TMEFF2: variants seen among roughly 807,000 people sequenced by gnomAD.
The protein encoded by TMEFF2 is tomoregulin-2.
Under a neutral mutation model 53.8 loss-of-function variants are expected in TMEFF2, and 28 were observed. The ratio of observed to expected loss-of-function variants is 0.52; its 90% confidence interval spans 0.39 to 0.71. The LOEUF is 0.71. TMEFF2 is among the 30% of genes least tolerant of loss of function. The pLI is 0.00. For missense variants in TMEFF2, 353 were observed against 455.2 expected (o/e 0.78, Z 2.04); for synonymous variants, 162 against 166.3 (o/e 0.97, Z 0.20).
intron 7 of TMEFF2, among the ~76,000 whole-genome samples, chr2:191,968,538 T>G (rs1467447896): frequency 1.3e-5 from 2 of 152,196 alleles, no homozygotes; most frequent in Admixed American, 6.5e-5. Context: ...GAACATGCTC[T>G]TTAGACCAGA....
chr2:192,180,584 T>C (rs1004040240), intron 3 of TMEFF2, among the ~76,000 whole-genome samples: 1 of 151,762 alleles, frequency 6.6e-6, no homozygotes, highest in African/African-American at 2.4e-5. Context: ...ATATTGATAT[T>C]CTCTGCCTGA....
At chr2:192,151,018 G>A (rs1690374300) in intron 4 of TMEFF2, among the ~76,000 whole-genome samples, 1 of 151,842 alleles carries the variant, frequency 6.6e-6, no homozygotes, top group African/African-American at 2.4e-5. Flanking sequence ...GGAGGTGATT[G>A]GATCATGGGG....
At chr2:191,987,412 CT>C (rs5837271) in intron 7 of TMEFF2, among the ~76,000 whole-genome samples, 135,247 of 147,952 alleles carry the variant, frequency 0.91, 62,931 homozygotes, top group Non-Finnish European at 1. Flanking sequence ...TTTCTTTTTA[CT>C]TTTTTTTTTT....
At chr2:192,018,639 C>G (rs562296733) in intron 5 of TMEFF2, among the ~76,000 whole-genome samples, 1 of 152,158 alleles carries the variant, frequency 6.6e-6, no homozygotes, top group African/African-American at 2.4e-5. Flanking sequence ...CCTCCTTCTT[C>G]CCCTCTTGCT....
intron 5 of TMEFF2, among the ~76,000 whole-genome samples, chr2:192,041,106 G>A (rs1218179085): frequency 6.6e-6 from 1 of 152,062 alleles, no homozygotes; most frequent in East Asian, 1.9e-4. Context: ...CAACAACAAA[G>A]TAAATTGGAG....
chr2:192,170,493 T>C (rs1690882452), intron 4 of TMEFF2, among the ~76,000 whole-genome samples: 1 of 152,048 alleles, frequency 6.6e-6, no homozygotes, highest in Non-Finnish European at 1.5e-5. Context: ...ATGTTCCTTG[T>C]GTTTGTGGCC....
At chr2:192,091,228 A>G (rs1688782775) in intron 4 of TMEFF2, among the ~76,000 whole-genome samples, 1 of 152,136 alleles carries the variant, frequency 6.6e-6, no homozygotes, top group African/African-American at 2.4e-5. Context: ...ATGGTTGTTT[A>G]ATGGCTCCTC....
intron 7 of TMEFF2, among the ~76,000 whole-genome samples, chr2:191,964,394 CTTTCTCTTTCTTTCTTTCTTTCTT>C (rs1183512700): frequency 4.3e-4 from 27 of 62,088 alleles, no homozygotes; most frequent in African/African-American, 1.4e-3. Flanking sequence ...TTCTTTCTTT[CTTTCTCTTTCTTTCTTTCTTTCTT>C]TCTTTCTTTC....
Position 192,099,782 on chromosome 2 carries a change from C to CT in TMEFF2, c.440-42008dup, listed in dbSNP as rs60634556. Among the ~76,000 whole-genome samples the CT allele has an allele frequency of 5.4e-3, 776 of 143,930 alleles. 11 individuals are homozygous for CT. Among genetic ancestry groups the CT allele is most frequent in the African/African-American group, 0.017 (675 of 39,776 alleles). 94.4% of individuals were successfully genotyped at this position (143,930 alleles called of 152,430 possible). ...ACAATACATAATAATGATGGGATTG[C>CT]TTTTTTTTTTTTCCATCTTAGGAGT... On this transcript the variant is annotated intron_variant, in intron 4 of 9. Transcript: ENST00000272771.
At chr2:191,983,714 T>A (rs1685910152) in intron 7 of TMEFF2, among the ~76,000 whole-genome samples, 1 of 152,232 alleles carries the variant, frequency 6.6e-6, no homozygotes, top group South Asian at 2.1e-4. Flanking sequence ...CTGGGATACA[T>A]CTGAACACAT....
At chr2:192,017,797 A>G (rs1244918362) in intron 5 of TMEFF2, among the ~76,000 whole-genome samples, 1 of 152,200 alleles carries the variant, frequency 6.6e-6, no homozygotes, top group Non-Finnish European at 1.5e-5. Context: ...TGCCTGCTTC[A>G]TATATCCACT....
At chr2:191,991,659 A>G (rs192940826) in intron 7 of TMEFF2, among the ~76,000 whole-genome samples, 6 of 152,224 alleles carry the variant, frequency 3.9e-5, no homozygotes, top group African/African-American at 1.2e-4. Flanking sequence ...GCTGCTGCAC[A>G]CTTATGGCAG....
chr2:192,151,117 A>G (rs2106000552), intron 4 of TMEFF2, among the ~76,000 whole-genome samples: 1 of 151,112 alleles, frequency 6.6e-6, no homozygotes, highest in Admixed American at 6.6e-5. Flanking sequence ...AATCTTGCTC[A>G]CTCTCTCTCA....
intron 4 of TMEFF2, among the ~76,000 whole-genome samples, chr2:192,131,813 G>A (rs528544737): frequency 2.6e-5 from 4 of 152,180 alleles, no homozygotes; most frequent in East Asian, 1.9e-4. Context: ...GTGCAATGCC[G>A]CTTGACCCCA....
chr2:192,073,954 A>T (rs7422991), intron 4 of TMEFF2, among the ~76,000 whole-genome samples: 48,950 of 151,734 alleles, frequency 0.32, 8,200 homozygotes, highest in Non-Finnish European at 0.37. Flanking sequence ...AGAATAGATG[A>T]AACTCCCAGT....
chr2:192,107,981 G>C lies in TMEFF2; in HGVS notation c.440-50206C>G, dbSNP rs920832573. On this transcript the variant is annotated intron_variant, in intron 4 of 9. Transcript: ENST00000272771. ...TTTTTTTAGAAAACAGATAATTTCT[G>C]TCATAACTTCATAATGACAATGTGT... 2.7e-5 allele frequency among the ~76,000 whole-genome samples: 4 copies of C among 150,864 alleles called. No homozygotes were observed. The East Asian group carries it at 7.7e-4, about 29-fold the overall frequency.
At chr2:192,139,232 T>C (rs1009448817) in intron 4 of TMEFF2, among the ~76,000 whole-genome samples, 3 of 152,230 alleles carry the variant, frequency 2.0e-5, no homozygotes, top group Admixed American at 1.3e-4. Flanking sequence ...AATATGTGTA[T>C]ATGTGATATA....
chr2:191,971,841 T>C (rs555131935), intron 7 of TMEFF2, among the ~76,000 whole-genome samples: 1 of 152,140 alleles, frequency 6.6e-6, no homozygotes, highest in Admixed American at 6.5e-5. Context: ...AAATTAGAAA[T>C]GTCACAGGAA....
intron 4 of TMEFF2, among the ~76,000 whole-genome samples, chr2:192,147,337 T>C (rs1327026550): frequency 6.6e-6 from 1 of 151,476 alleles, no homozygotes. Flanking sequence ...TATTTTCTCT[T>C]TTTTTTATTA....
Sources: allele counts gnomAD v4.1 joint callset (sites outside exome capture counted in the v4.1 genomes callset), GRCh38; gene constraint gnomAD v4.1.1; transcripts MANE v1.5; gene names NCBI Gene and HGNC (gene_info 2026-07-23, HGNC 2026-07-21).